The following RABGAP1L variants were observed in gnomAD, a reference collection of about 807,000 sequenced individuals.
The protein encoded by RABGAP1L is rab GTPase-activating protein 1-like.
Under a neutral mutation model 137.7 loss-of-function variants are expected in RABGAP1L, and 63 were observed. The ratio of observed to expected loss-of-function variants is 0.46; its 90% CI spans 0.37 to 0.56. The LOEUF (loss-of-function observed/expected upper bound fraction) is 0.56. Among genes scored for constraint, RABGAP1L ranks in the 20% least tolerant of loss-of-function variants. RABGAP1L has a pLI of 0.00. For missense variants in RABGAP1L, 1,095 were observed against 1,244.0 expected, an observed-to-expected ratio of 0.88 and a Z score of 1.80; for synonymous variants, 431 against 433.7, an observed-to-expected ratio of 0.99 and a Z score of 0.08.
intron 14 of RABGAP1L, among the ~76,000 whole-genome samples, chr1:174,666,862 T>C (rs1676821880): frequency 6.6e-6 from 1 of 151,962 alleles, no homozygotes; most frequent in African/African-American, 2.4e-5. Context: ...CTTTAATAAT[T>C]TTAAGGTAGG....
intron 3 of RABGAP1L, among the ~76,000 whole-genome samples, chr1:174,223,264 T>TA (rs550034492): frequency 0.26 from 10,389 of 39,224 alleles, 2,586 homozygotes; most frequent in Non-Finnish European, 0.29. Flanking sequence ...AGACTCTGTC[T>TA]AAAAAAAAAA....
At chr1:174,206,555 T>C (rs1012030495) in intron 1 of RABGAP1L, among the ~76,000 whole-genome samples, 1 of 152,186 alleles carries the variant, frequency 6.6e-6, no homozygotes, top group Non-Finnish European at 1.5e-5. Flanking sequence ...TAATGCCTGA[T>C]AGTCTTTGCA....
intron 11 of RABGAP1L, among the ~76,000 whole-genome samples, chr1:174,316,585 A>G (rs748354638): frequency 1.4e-4 from 22 of 152,164 alleles, no homozygotes; most frequent in Non-Finnish European, 3.1e-4. Flanking sequence ...TTTCTCCCAA[A>G]CAAACATTCT....
intron 13 of RABGAP1L, among the ~76,000 whole-genome samples, chr1:174,586,993 G>T (rs1314514733): frequency 1.3e-5 from 2 of 151,946 alleles, no homozygotes; most frequent in Admixed American, 1.3e-4. Context: ...GTGAGAATAT[G>T]CGGTGTTTGG....
chr1:174,549,259 G>A (rs1008927486), intron 13 of RABGAP1L, among the ~76,000 whole-genome samples: 29 of 152,246 alleles, frequency 1.9e-4, no homozygotes, highest in African/African-American at 6.7e-4. Flanking sequence ...CTCAAAAGGA[G>A]ATAGAAGAAG....
intron 13 of RABGAP1L, among the ~76,000 whole-genome samples, chr1:174,467,219 T>G (rs545048255): frequency 6.6e-6 from 1 of 152,310 alleles, no homozygotes; most frequent in East Asian, 1.9e-4. Context: ...CTGTCTAGAA[T>G]TTTACTAGAT....
chr1:174,961,393 G>A lies in RABGAP1L; in HGVS notation c.2433+3844G>A, dbSNP rs555014781. Among the ~76,000 whole-genome samples, 35 of 152,178 alleles carry A rather than the reference G, an allele frequency of 2.3e-4. 1 individual carries two copies. The highest frequency in any genetic ancestry group is 4.4e-4 in the Non-Finnish European group (30 of 68,024). ...AAATTAAAATACTTTCTATCTTAAA[G>A]AGATGAATTGTTTCTGTTGTGAGGA... On this transcript the variant is annotated intron_variant, in intron 20 of 25. Coordinates refer to ENST00000681986, the MANE Select transcript of RABGAP1L (RefSeq NM_001366446.1).
intron 13 of RABGAP1L, among the ~76,000 whole-genome samples, chr1:174,410,867 C>T (rs1156309800): frequency 6.6e-6 from 1 of 152,118 alleles, no homozygotes; most frequent in Non-Finnish European, 1.5e-5. Flanking sequence ...TCTTCCAATC[C>T]ATGATCGTGG....
chr1:174,383,523 G>T (rs1026267509), intron 12 of RABGAP1L, among the ~76,000 whole-genome samples: 1 of 152,192 alleles, frequency 6.6e-6, no homozygotes, highest in African/African-American at 2.4e-5. Flanking sequence ...TCTGGAAAGG[G>T]CAATATTCGG....
intron 22 of RABGAP1L, among the ~76,000 whole-genome samples, chr1:174,977,042 G>A (rs559046723): frequency 6.6e-6 from 1 of 152,292 alleles, no homozygotes; most frequent in African/African-American, 2.4e-5. Flanking sequence ...ATCTCAAATC[G>A]TGATTAGCTT....
At chr1:174,236,257 T>C (rs1671160057) in intron 4 of RABGAP1L, among the ~76,000 whole-genome samples, 1 of 41,544 alleles carries the variant, frequency 2.4e-5, no homozygotes, top group Non-Finnish European at 5.1e-5. Context: ...GTTTTTTGTG[T>C]CTCTATTTCC....
At position 174,449,999 on chromosome 1, in the gene RABGAP1L, ATT is replaced by A. The variant is rs532020790; in HGVS notation, c.1710+55856_1710+55857del. Among the ~76,000 whole-genome samples the A allele has an allele frequency of 1.7e-3, 263 of 152,156 alleles. 1 individual carries two copies. The highest frequency in any genetic ancestry group is 3.1e-3 in the Non-Finnish European group (210 of 67,982). On this transcript the variant is annotated intron_variant, in intron 13 of 25. Coordinates refer to ENST00000681986, the MANE Select transcript of RABGAP1L (RefSeq NM_001366446.1). ...GAGCATCCATGATGTTAAATAATGT[ATT>A]TCTTCCAGCAAAGCAATCTGGTAGC...
At chr1:174,886,294 A>C (rs1230134510) in intron 19 of RABGAP1L, among the ~76,000 whole-genome samples, 1 of 152,172 alleles carries the variant, frequency 6.6e-6, no homozygotes, top group Non-Finnish European at 1.5e-5. Flanking sequence ...TTACAGGCGT[A>C]AGCCACCGCG....
At chr1:174,989,484 A>C (rs951051104) in intron 25 of RABGAP1L, among the ~76,000 whole-genome samples, 1 of 152,208 alleles carries the variant, frequency 6.6e-6, no homozygotes, top group Admixed American at 6.5e-5. Context: ...TTGGAACTGG[A>C]ATTCATTCAT....
At chr1:174,436,194 T>C (rs1243088668) in intron 13 of RABGAP1L, among the ~76,000 whole-genome samples, 1 of 152,204 alleles carries the variant, frequency 6.6e-6, no homozygotes, top group African/African-American at 2.4e-5. Flanking sequence ...CTGGGTCAAA[T>C]GGTATTTCTA....
chr1:174,982,708 A>G, intron 23 of RABGAP1L, 126 bp from the exon 24 acceptor site: 1 of 925,694 alleles, frequency 1.1e-6, no homozygotes, highest in Non-Finnish European at 1.6e-6. Context: ...TTGCAGTGCT[A>G]TTCATTTGTA....
At chr1:174,706,212 T>C (rs975277155) in intron 17 of RABGAP1L, among the ~76,000 whole-genome samples, 1 of 152,180 alleles carries the variant, frequency 6.6e-6, no homozygotes, top group Non-Finnish European at 1.5e-5. Context: ...AAGAATTTTA[T>C]AGACCTTGAC....
At chr1:174,183,514 T>C (rs896548490) in intron 1 of RABGAP1L, among the ~76,000 whole-genome samples, 5 of 152,236 alleles carry the variant, frequency 3.3e-5, no homozygotes, top group Non-Finnish European at 4.4e-5. Flanking sequence ...AGTTCCTGCA[T>C]ACCCCTGCCC....
chr1:174,404,207 C>T (rs888278441), intron 13 of RABGAP1L, among the ~76,000 whole-genome samples: 8 of 152,090 alleles, frequency 5.3e-5, no homozygotes, highest in Admixed American at 4.6e-4. Context: ...CAGAAGAGAT[C>T]GTGACAGCTC....
Sources: gnomAD v4.1 joint callset for allele counts (sites outside exome capture counted in the v4.1 genomes callset) on GRCh38, gnomAD v4.1.1 for gene constraint, MANE v1.5 for transcripts, NCBI Gene and HGNC (gene_info 2026-07-23, HGNC 2026-07-21) for gene names.